The following CSGALNACT1 variants were observed in gnomAD, a reference collection of about 807,000 sequenced individuals.
CSGALNACT1 encodes chondroitin sulfate N-acetylgalactosaminyltransferase 1.
A neutral mutation model predicts 51.0 loss-of-function variants in CSGALNACT1; 52 were observed. The ratio of observed to expected loss-of-function variants is 1.02; its 90% CI spans 0.82 to 1.29. CSGALNACT1 has a LOEUF of 1.29. Ranked by LOEUF, CSGALNACT1 falls within the 50% of genes most tolerant of loss-of-function variation. The pLI, the probability that CSGALNACT1 is intolerant of heterozygous loss-of-function variation, is 0.00. For synonymous variants in CSGALNACT1, 341 were observed against 254.4 expected (o/e 1.34, Z -3.24); for missense variants, 935 against 679.2 (o/e 1.38, Z -4.19).
At chr8:19,722,549 T>TA (rs1158943679) in intron 1 of CSGALNACT1, among the ~76,000 whole-genome samples, 6 of 152,144 alleles carry the variant, frequency 3.9e-5, no homozygotes, top group African/African-American at 1.4e-4. Context: ...CATTTGCACA[T>TA]GGTCTCCCCA....
rs542059107 is a variant in CSGALNACT1 at position 19,493,063 on chromosome 8, A to G, written c.634+12138T>C. 1.7e-3 allele frequency among the ~76,000 whole-genome samples: 260 copies of G among 151,980 alleles called. 2 individuals are homozygous for G. The highest frequency in any genetic ancestry group is 6.1e-3 in the African/African-American group (251 of 41,410). On this transcript the variant is annotated intron_variant, in intron 4 of 9. Transcript: ENST00000454498. ...TGCCTAAAATTCTTTTTTTGAAAAA[A>G]AAAAAAAACATCTGTAAATATGTTT...
upstream of CSGALNACT1, among the ~76,000 whole-genome samples, chr8:19,604,414 T>C (rs1161775022): frequency 1.3e-5 from 2 of 152,198 alleles, no homozygotes; most frequent in African/African-American, 4.8e-5. Context: ...TATGGATATG[T>C]GCATTAATAT....
At chr8:19,491,219 G>A (rs1425191411) in intron 4 of CSGALNACT1, among the ~76,000 whole-genome samples, 9 of 151,938 alleles carry the variant, frequency 5.9e-5, no homozygotes, top group Non-Finnish European at 8.8e-5. Flanking sequence ...AATATTTACT[G>A]AATAAATGAT....
intron 5 of CSGALNACT1, among the ~76,000 whole-genome samples, chr8:19,453,499 G>A (rs1329171078): frequency 1.3e-5 from 2 of 152,138 alleles, no homozygotes; most frequent in African/African-American, 2.4e-5. Context: ...TTGTGTCCAT[G>A]AAACAGAGAA....
intron 4 of CSGALNACT1, among the ~76,000 whole-genome samples, chr8:19,498,868 C>A (rs534688594): frequency 6.6e-6 from 1 of 152,236 alleles, no homozygotes; most frequent in African/African-American, 2.4e-5. Flanking sequence ...AATCTCAATG[C>A]TTTGGGATGC....
chr8:19,503,277 G>A (rs769586342), intron 4 of CSGALNACT1, among the ~76,000 whole-genome samples: 14 of 152,158 alleles, frequency 9.2e-5, no homozygotes, highest in Non-Finnish European at 1.9e-4. Flanking sequence ...TGCTGCCCAC[G>A]AAATCAATAC....
At position 19,408,681 on chromosome 8, in the gene CSGALNACT1, T is replaced by A. The variant is rs778839959; in HGVS notation, c.1241A>T (p.Glu414Val). 7.4e-6 allele frequency: 12 copies of A among 1,613,790 alleles called. No individual in the cohort carries two copies. Among genetic ancestry groups the A allele is most frequent in the African/African-American group, 2.7e-5 (2 of 74,846 alleles). Residue 414 changes from glutamate to valine, a missense_variant, in exon 9 of 10, where the codon GAA (glutamate) becomes GTA (valine). Transcript: ENST00000454498. ...TCCAAAGTCTCTCCAAAATCCAGTT[T>A]CCTTCTTTATGACCTGCAAGAAAAG...
At chr8:19,481,803 G>C (rs1411708367) in intron 4 of CSGALNACT1, among the ~76,000 whole-genome samples, 2 of 152,112 alleles carry the variant, frequency 1.3e-5, no homozygotes, top group Admixed American at 6.5e-5. Context: ...CCAGACTTAA[G>C]CCAACAAACA....
chr8:19,456,011 G>A (rs1056117780), intron 5 of CSGALNACT1, among the ~76,000 whole-genome samples: 4 of 152,144 alleles, frequency 2.6e-5, no homozygotes, highest in Non-Finnish European at 5.9e-5. Flanking sequence ...TCCATATGGT[G>A]GGCTGAGATG....
intron 6 of CSGALNACT1, among the ~76,000 whole-genome samples, chr8:19,423,800 A>G (rs1426414071): frequency 6.6e-6 from 1 of 152,190 alleles, no homozygotes; most frequent in Admixed American, 6.5e-5. Context: ...CAACCTTTCT[A>G]CAAGGAAAAG....
intron 1 of CSGALNACT1, among the ~76,000 whole-genome samples, chr8:19,671,176 G>T (rs1197322351): frequency 6.6e-6 from 1 of 152,134 alleles, no homozygotes; most frequent in Non-Finnish European, 1.5e-5. Context: ...ATGGGGAATA[G>T]AAAAGGCAAG....
At chr8:19,744,609 C>T (rs1209425337) in intron 1 of CSGALNACT1, among the ~76,000 whole-genome samples, 1 of 152,036 alleles carries the variant, frequency 6.6e-6, no homozygotes, top group Admixed American at 6.6e-5. Context: ...TAAGAAAACA[C>T]ATAGTATGTA....
intron 3 of CSGALNACT1, among the ~76,000 whole-genome samples, chr8:19,561,500 A>G (rs1228405341): frequency 6.6e-6 from 1 of 151,840 alleles, no homozygotes; most frequent in Non-Finnish European, 1.5e-5. Flanking sequence ...CTTCACTTGC[A>G]AGCCCTCTGC....
intron 5 of CSGALNACT1, among the ~76,000 whole-genome samples, chr8:19,458,034 C>T (rs187694394): frequency 3.3e-5 from 5 of 152,322 alleles, no homozygotes; most frequent in East Asian, 1.9e-4. Context: ...CAACTGTCAA[C>T]GTGGGCTCTG....
intron 1 of CSGALNACT1, among the ~76,000 whole-genome samples, chr8:19,626,181 C>A (rs528217684): frequency 2.0e-5 from 3 of 152,112 alleles, no homozygotes; most frequent in Non-Finnish European, 4.4e-5. Context: ...TACTGTGTAA[C>A]TATAGTAATC....
At chr8:19,501,907 T>C (rs1393152750) in intron 4 of CSGALNACT1, among the ~76,000 whole-genome samples, 1 of 152,162 alleles carries the variant, frequency 6.6e-6, no homozygotes, top group Non-Finnish European at 1.5e-5. Flanking sequence ...CAGATGGTTG[T>C]AAAAAATTAC....
At chr8:19,594,030 A>T (rs570416578) in intron 2 of CSGALNACT1, among the ~76,000 whole-genome samples, 1 of 152,330 alleles carries the variant, frequency 6.6e-6, no homozygotes, top group Non-Finnish European at 1.5e-5. Flanking sequence ...CTGGTGGAAT[A>T]TGCCATGAAG....
chr8:19,592,908 T>C (rs1211262321), intron 2 of CSGALNACT1, among the ~76,000 whole-genome samples: 1 of 152,234 alleles, frequency 6.6e-6, no homozygotes, highest in Non-Finnish European at 1.5e-5. Flanking sequence ...ACTACAGTGG[T>C]TCAAATTACA....
At chr8:19,702,945 C>T (rs987702305) in intron 1 of CSGALNACT1, among the ~76,000 whole-genome samples, 24 of 152,242 alleles carry the variant, frequency 1.6e-4, no homozygotes, top group Non-Finnish European at 3.1e-4. Flanking sequence ...TCCCCTACAC[C>T]CCTCTTAGCC....
Sources: allele counts gnomAD v4.1 joint callset (sites outside exome capture counted in the v4.1 genomes callset), GRCh38; gene constraint gnomAD v4.1.1; transcripts MANE v1.5; gene names NCBI Gene and HGNC (gene_info 2026-07-23, HGNC 2026-07-21).